The following CEP83 variants were observed in gnomAD, a reference collection of about 807,000 sequenced individuals.
CEP83 encodes centrosomal protein of 83 kDa.
CEP83 carries 70 observed loss-of-function variants against 101.9 expected under a neutral mutation model. The observed-to-expected ratio is 0.69, with a 90% confidence interval of 0.57 to 0.84. The LOEUF is 0.84. CEP83 is among the 40% of genes least tolerant of loss of function. The probability of loss-of-function intolerance (pLI) is 0.00; values close to 1 mark genes in which losing one functional copy is unlikely to be tolerated. For missense variants in CEP83, 715 were observed against 787.2 expected, an observed-to-expected ratio of 0.91 and a Z score of 1.10; for synonymous variants, 264 against 267.9, an observed-to-expected ratio of 0.99 and a Z score of 0.14.
intron 11 of CEP83, among the ~76,000 whole-genome samples, chr12:94,340,257 C>T (rs2059622100): frequency 6.6e-6 from 1 of 152,146 alleles, no homozygotes; most frequent in South Asian, 2.1e-4. Context: ...TTGGTTATTG[C>T]TATTCCCCTT....
At chr12:94,378,267 A>C (rs527396125) in intron 7 of CEP83, among the ~76,000 whole-genome samples, 1 of 152,328 alleles carries the variant, frequency 6.6e-6, no homozygotes, top group South Asian at 2.1e-4. Flanking sequence ...GTCTGCCAAC[A>C]CTTATCTTTC....
At chr12:94,438,331 T>C (rs182892304) in intron 1 of CEP83, among the ~76,000 whole-genome samples, 1 of 151,872 alleles carries the variant, frequency 6.6e-6, no homozygotes, top group East Asian at 1.9e-4. Flanking sequence ...TATAAACTTA[T>C]AAGGTAAAGG....
intron 6 of CEP83, among the ~76,000 whole-genome samples, chr12:94,380,609 G>A (rs2061794595): frequency 6.6e-6 from 1 of 152,120 alleles, no homozygotes; most frequent in African/African-American, 2.4e-5. Context: ...TTTACATGAG[G>A]TAACCTGATA....
intron 1 of CEP83, among the ~76,000 whole-genome samples, chr12:94,451,858 A>G (rs2067275851): frequency 6.6e-6 from 1 of 152,182 alleles, no homozygotes; most frequent in Non-Finnish European, 1.5e-5. Flanking sequence ...AAATCTTCAT[A>G]GCAGCATTAT....
At chr12:94,392,427 T>G (rs2062605709) in intron 6 of CEP83, among the ~76,000 whole-genome samples, 1 of 152,178 alleles carries the variant, frequency 6.6e-6, no homozygotes, top group Non-Finnish European at 1.5e-5. Context: ...AATAAAGATG[T>G]TCTTTGAAAC....
the CEP83 span, among the ~76,000 whole-genome samples, chr12:94,275,245 A>C: frequency 1.3e-5 from 2 of 152,174 alleles, no homozygotes; most frequent in Non-Finnish European, 2.9e-5. Context: ...ATTTATCATG[A>C]ATTATCTGAG....
At position 94,367,850 on chromosome 12, in the gene CEP83, T is replaced by G; in HGVS notation, c.1287A>C (p.Lys429Asn). 1.2e-6 allele frequency: 2 copies of G among 1,613,658 alleles called. No individual in the cohort carries two copies. The highest frequency in any genetic ancestry group is 2.2e-5 in the South Asian group (2 of 91,068). The change falls in exon 11 of 17, where the codon AAA (lysine) becomes AAC (asparagine). Residue 429 changes from lysine to asparagine, a missense_variant. Physicochemically the swap from Lys to Asn is moderately conservative, Grantham distance 94 (BLOSUM62 0). Transcript: ENST00000397809. ...RQSEKDQYEE[K>N]LRASQMAEEI... ...CTTCTGCCATCTGTGAAGCCCGCAATTTCTCTTCATACTGATCCTTTTCAG... is the reference window on the plus strand; with the variant it reads ...CTTCTGCCATCTGTGAAGCCCGCAAGTTCTCTTCATACTGATCCTTTTCAG...
the CEP83 span, chr12:94,282,159 A>G: frequency 1.6e-6 from 1 of 613,446 alleles, no homozygotes; most frequent in Non-Finnish European, 2.9e-6. Flanking sequence ...AATTCAGGCT[A>G]CCAGTCTGGC....
At chr12:94,439,711 T>C (rs1053719888) in intron 1 of CEP83, among the ~76,000 whole-genome samples, 2 of 152,048 alleles carry the variant, frequency 1.3e-5, no homozygotes, top group South Asian at 2.1e-4. Context: ...ATTATCCTAA[T>C]AGCAAAACCA....
chr12:94,358,672 G>A (rs569891826), intron 11 of CEP83, among the ~76,000 whole-genome samples: 41 of 152,350 alleles, frequency 2.7e-4, no homozygotes, highest in South Asian at 1.0e-3. Context: ...CACCAATTCA[G>A]TTATACAACC....
At position 94,347,050 on chromosome 12, in the gene CEP83, A is replaced by AATATATATATATAT. The variant is rs137940620; in HGVS notation, c.1344-11400_1344-11387dup. On this transcript the variant is annotated intron_variant, in intron 11 of 16. Coordinates refer to ENST00000397809, the MANE Select transcript of CEP83 (RefSeq NM_016122.3). ...AAGATCCTGTATCAAAAAATAAACA[A>AATATATATATATAT]ATATATATATATATATATACACATA... Among the ~76,000 whole-genome samples, 1,111 of 131,958 alleles carry AATATATATATATAT rather than the reference A, an allele frequency of 8.4e-3. 8 individuals are homozygous for AATATATATATATAT. The highest frequency in any genetic ancestry group is 0.019 in the Admixed American group (253 of 13,024). 86.6% of individuals were successfully genotyped at this position (131,958 alleles called of 152,430 possible).
chr12:94,417,167 T>G (rs1440755245), intron 2 of CEP83, among the ~76,000 whole-genome samples: 12 of 150,962 alleles, frequency 7.9e-5, no homozygotes, highest in African/African-American at 2.4e-4. Context: ...CAAAAAAAAG[T>G]CATTAGCTAG....
At chr12:94,345,055 A>G (rs2059868331) in intron 11 of CEP83, among the ~76,000 whole-genome samples, 2 of 152,222 alleles carry the variant, frequency 1.3e-5, no homozygotes, top group African/African-American at 4.8e-5. Context: ...ATGGTGCTGG[A>G]ACAACTGGAT....
At chr12:94,395,819 T>A (rs1251763505) in intron 6 of CEP83, among the ~76,000 whole-genome samples, 1 of 151,954 alleles carries the variant, frequency 6.6e-6, no homozygotes, top group African/African-American at 2.4e-5. Flanking sequence ...AGATTCTGTC[T>A]CAAGAAAAAA....
intron 4 of CEP83, among the ~76,000 whole-genome samples, chr12:94,404,645 C>T (rs969268781): frequency 2.1e-4 from 32 of 151,924 alleles, no homozygotes; most frequent in African/African-American, 7.3e-4. Context: ...TTCCTGAATA[C>T]CAGGTTTAGA....
chr12:94,455,411 C>T (rs1351894320), intron 1 of CEP83, among the ~76,000 whole-genome samples: 1 of 152,178 alleles, frequency 6.6e-6, no homozygotes, highest in Non-Finnish European at 1.5e-5. Flanking sequence ...GGCAACAACT[C>T]AGAAGCTAGA....
At chr12:94,298,916 G>A in the CEP83 span, 7 of 942,212 alleles carry the variant, frequency 7.4e-6, no homozygotes, top group Non-Finnish European at 1.1e-5. Context: ...TTTGGGCTTG[G>A]TAAGCTATCA....
chr12:94,374,550 A>C (rs11830181), intron 8 of CEP83, among the ~76,000 whole-genome samples: 4,687 of 152,200 alleles, frequency 0.031, 225 homozygotes, highest in African/African-American at 0.1. Context: ...GTATCTGTTG[A>C]ATATATAATC....
chr12:94,360,973 T>C (rs1201401788), intron 11 of CEP83, among the ~76,000 whole-genome samples: 1 of 152,176 alleles, frequency 6.6e-6, no homozygotes, highest in Non-Finnish European at 1.5e-5. Flanking sequence ...TAACTGATTT[T>C]CAACAAAAGC....
Sources: allele counts gnomAD v4.1 joint callset (sites outside exome capture counted in the v4.1 genomes callset), GRCh38; gene constraint gnomAD v4.1.1; transcripts MANE v1.5; gene names NCBI Gene and HGNC (gene_info 2026-07-23, HGNC 2026-07-21).